AP3B2: variants seen among roughly 807,000 people sequenced by gnomAD.
AP3B2 encodes the protein AP-3 complex subunit beta-2.
In AP3B2, 50 loss-of-function variants were observed where a neutral mutation model predicts 126.9. The ratio of observed to expected loss-of-function variants is 0.39; its 90% CI spans 0.31 to 0.50. AP3B2 has a LOEUF of 0.50. Ranked by LOEUF, AP3B2 falls within the 20% of genes least tolerant of loss-of-function variation. The pLI is 0.79. For synonymous variants in AP3B2, 541 were observed against 565.0 expected (o/e 0.96, Z 0.60); for missense variants, 1,177 against 1,426.4 (o/e 0.83, Z 2.82).
intron 1 of AP3B2, among the ~76,000 whole-genome samples, chr15:82,693,947 C>T (rs1038797033): frequency 1.3e-5 from 2 of 151,946 alleles, no homozygotes; most frequent in African/African-American, 2.4e-5. Flanking sequence ...TTGATCCGCC[C>T]ACCTCAGCCT....
intron 4 of AP3B2, 53 bp downstream of exon 4, chr15:82,688,683 C>A: frequency 6.6e-7 from 1 of 1,509,330 alleles, no homozygotes; most frequent in Admixed American, 1.9e-5. Flanking sequence ...CCTACTCCTC[C>A]GATACAGCGC....
intron 1 of AP3B2, among the ~76,000 whole-genome samples, chr15:82,705,228 A>G (rs1379181895): frequency 6.6e-6 from 1 of 152,004 alleles, no homozygotes; most frequent in Admixed American, 6.6e-5. Flanking sequence ...ACCGTGCTCA[A>G]TGTCAATATC....
rs1463365763 is a variant in AP3B2, at chr15:82,676,572, A to G, written c.1554T>C (p.Ile518=). The G allele has an allele frequency of 6.2e-7, 1 of 1,613,876 alleles. No homozygotes were observed. The highest frequency in any genetic ancestry group is 8.5e-7 in the Non-Finnish European group (1 of 1,179,902). Residue 518 remains isoleucine (I), a synonymous_variant, in exon 14 of 27, where the codon ATT becomes ATC. Coordinates refer to ENST00000535359, the MANE Select transcript of AP3B2 (RefSeq NM_001278512.2). ...CCATTTTTCTTAAGACATCAGGTGCAATCCTGGGGACATGCTCACAGTACT... is the reference window on the plus strand; with the variant it reads ...CCATTTTTCTTAAGACATCAGGTGCGATCCTGGGGACATGCTCACAGTACT... ...IGEYCEHVPR[I]APDVLRKMAK...
At chr15:82,691,989 C>A in intron 1 of AP3B2, 1 of 1,452,284 alleles carries the variant, frequency 6.9e-7, no homozygotes, top group South Asian at 1.2e-5. Context: ...ACATCCCCAA[C>A]TTCTCGCATG....
rs185726700 is a variant in AP3B2, at chr15:82,663,827, C to G, written c.2410G>C (p.Glu804Gln). ...MTSESEEEQL[E>Q]PASWSRKTPP... ...GTTTTCCTGCTCCAGGAGGCAGGTT[C>G]TAACTGCTCCTCCTCGGACTCCGAT... The change falls in exon 20 of 27, where the codon GAA (glutamate) becomes CAA (glutamine). Residue 804 changes from glutamate to glutamine, a missense_variant. By Grantham distance (29) the Glu-to-Gln change is conservative (BLOSUM62 2). Coordinates refer to ENST00000535359, the MANE Select transcript of AP3B2 (RefSeq NM_001278512.2). The G allele has an allele frequency of 3.3e-5, 53 of 1,613,756 alleles. No homozygotes were observed. Among genetic ancestry groups the G allele is most frequent in the African/African-American group, 3.2e-4 (24 of 75,052 alleles).
chr15:82,659,624 T>C lies in AP3B2; in HGVS notation c.3242A>G (p.Asn1081Ser), dbSNP rs1286118137. The change falls in exon 27 of 27, where the codon AAC becomes AGC. Residue 1081 changes from asparagine to serine, a missense_variant. Physicochemically the swap from Asn to Ser is conservative, Grantham distance 46. Transcript: ENST00000535359. ...GGTGCCAATCACCATTTTCTCGCTG[T>C]TGACAGTCAGCTGGGCAGCTCCAGC... ...RPAGAAQLTV[N>S]SEKMVIGTML... is the part of the protein sequence containing the mutation. The C allele has an allele frequency of 8.1e-6, 13 of 1,613,968 alleles. No individual in the cohort carries two copies. The highest frequency in any genetic ancestry group is 9.3e-6 in the Non-Finnish European group (11 of 1,179,892).
chr15:82,673,276 A>G (rs28667458), intron 14 of AP3B2, among the ~76,000 whole-genome samples: 83,926 of 152,050 alleles, frequency 0.55, 23,609 homozygotes, highest in Non-Finnish European at 0.62. Flanking sequence ...GTGTGGTGGT[A>G]CCATCTCAGC....
rs376898720 is a variant in AP3B2, at chr15:82,666,896, T to C, written c.1703A>G (p.Lys568Arg). ...LLTQYVLSLA[K>R]YDQNYDIRDR... The stretch of plus-strand genomic sequence containing the variant: ...GCGAATATCATAGTTCTGGTCATAT[T>C]TGGCCAGACTCAGCACATACTGGGT... Residue 568 changes from lysine (K) to arginine (R), a missense_variant, in exon 15 of 27, where the codon AAA (lysine) becomes AGA (arginine). This residue lies in a region of AP3B2 where 308 missense variants were observed against 452.4 expected (regional missense o/e 0.68). Coordinates refer to ENST00000535359, the MANE Select transcript of AP3B2 (RefSeq NM_001278512.2). 3.1e-6 allele frequency: 5 copies of C among 1,613,770 alleles called. No individual in the cohort carries two copies. The highest frequency in any genetic ancestry group is 4.2e-6 in the Non-Finnish European group (5 of 1,179,826).
At chr15:82,707,808 C>T (rs1447950654) in intron 1 of AP3B2, among the ~76,000 whole-genome samples, 1 of 152,126 alleles carries the variant, frequency 6.6e-6, no homozygotes, top group Non-Finnish European at 1.5e-5. Flanking sequence ...AATGTTTCTT[C>T]TAACAACCCC....
At chr15:82,700,397 C>CTTTTTTTTTTTTTTTT (rs1226910164) in intron 1 of AP3B2, among the ~76,000 whole-genome samples, 584 of 35,070 alleles carry the variant, frequency 0.017, 209 homozygotes, top group African/African-American at 0.047. Context: ...TGGTGGGTGG[C>CTTTTTTTTTTTTTTTT]TTTTTTTTTT....
chr15:82,677,630 C>T (rs1194888616), intron 12 of AP3B2, 41 bp downstream of exon 12: 1 of 1,492,786 alleles, frequency 6.7e-7, no homozygotes, highest in Non-Finnish European at 9.0e-7. Flanking sequence ...CAGGCAGACA[C>T]CCTCTGATCA....
intron 1 of AP3B2, chr15:82,691,953 C>T (rs1352150972): frequency 2.1e-5 from 30 of 1,400,168 alleles, no homozygotes; most frequent in South Asian, 2.0e-4. Flanking sequence ...ATCCCCACAC[C>T]GTCCTTCTGC....
At chr15:82,707,433 T>C (rs1014074592) in intron 1 of AP3B2, among the ~76,000 whole-genome samples, 2 of 152,180 alleles carry the variant, frequency 1.3e-5, no homozygotes, top group Non-Finnish European at 2.9e-5. Context: ...ACTTGGACTG[T>C]GCCCCAGAAA....
chr15:82,680,410 C>A lies in AP3B2; in HGVS notation c.1055+62G>T. 1 of 1,257,646 alleles carries A rather than the reference C, an allele frequency of 8.0e-7. No individual in the cohort carries two copies. Among genetic ancestry groups the A allele is most frequent in the Non-Finnish European group, 1.0e-6 (1 of 987,520 alleles). 77.9% of individuals were successfully genotyped at this position (1,257,646 alleles called of 1,614,324 possible). ...GCTGGTGGGCGTGAGGGGGCGGAGC[C>A]GGGCAGCCCGTGGGGCGGGGCAGGA... On this transcript the variant is annotated intron_variant, in intron 8 of 26. Transcript: ENST00000535359. The surrounding 1 kb of genome is among the most constrained non-coding windows in gnomAD (Gnocchi z 6.1).
intron 23 of AP3B2, 28 bp downstream of exon 23, chr15:82,662,666 C>T (rs760911300): frequency 6.3e-7 from 1 of 1,583,760 alleles, no homozygotes; most frequent in Non-Finnish European, 8.6e-7. Flanking sequence ...GGAGCCTCCT[C>T]CTCCACCCCA....
At chr15:82,698,464 C>A (rs1399462404) in intron 1 of AP3B2, among the ~76,000 whole-genome samples, 1 of 151,688 alleles carries the variant, frequency 6.6e-6, no homozygotes, top group Non-Finnish European at 1.5e-5. Context: ...CTCATAGAGA[C>A]ACACACACCC....
chr15:82,707,495 C>G (rs1255270708), intron 1 of AP3B2, among the ~76,000 whole-genome samples: 1 of 152,202 alleles, frequency 6.6e-6, no homozygotes, highest in African/African-American at 2.4e-5. Context: ...TCACCATACT[C>G]AACTACTCAT....
chr15:82,664,183 C>T lies in AP3B2; in HGVS notation c.2261+184G>A, dbSNP rs540806126. Among the ~76,000 whole-genome samples the T allele has an allele frequency of 2.0e-5, 3 of 152,340 alleles. No individual in the cohort carries two copies. The highest frequency in any genetic ancestry group is 3.4e-3 in the Middle Eastern group (1 of 294). On this transcript the variant is annotated intron_variant, in intron 19 of 26. Coordinates refer to ENST00000535359, the MANE Select transcript of AP3B2 (RefSeq NM_001278512.2). The surrounding 1 kb of genome is among the most constrained non-coding windows in gnomAD (Gnocchi z 4.5). Reference sequence around the variant, plus strand: ...CTAGGACTCTGGTTGCTTCTCCACACCAGCCCATGAGGCCTCAGAGATCTC... The same window carrying T: ...CTAGGACTCTGGTTGCTTCTCCACATCAGCCCATGAGGCCTCAGAGATCTC...
intron 1 of AP3B2, among the ~76,000 whole-genome samples, chr15:82,699,457 C>G (rs1384837311): frequency 6.6e-6 from 1 of 152,158 alleles, no homozygotes; most frequent in Non-Finnish European, 1.5e-5. Context: ...TCACTCATAC[C>G]CTCAGCCCCC....
Sources: allele counts gnomAD v4.1 joint callset (sites outside exome capture counted in the v4.1 genomes callset), GRCh38; gene constraint gnomAD v4.1.1; regional missense constraint gnomAD v4.1.1; non-coding constraint Gnocchi (gnomAD v3.1); transcripts MANE v1.5; gene names NCBI Gene and HGNC (gene_info 2026-07-23, HGNC 2026-07-21).